ICA1: variants seen among roughly 807,000 people sequenced by gnomAD.
ICA1 encodes the protein 69 kDa islet cell autoantigen.
Under a neutral mutation model 71.0 loss-of-function variants are expected in ICA1, and 40 were observed. That is an observed-to-expected ratio of 0.56 (90% CI 0.44 to 0.73). The LOEUF is 0.73. Among genes scored for constraint, ICA1 ranks in the 30% least tolerant of loss-of-function variants. The probability of loss-of-function intolerance (pLI) is 0.00; values close to 1 mark genes in which losing one functional copy is unlikely to be tolerated. For missense variants in ICA1, 578 were observed against 576.5 expected, an observed-to-expected ratio of 1.00 and a Z score of -0.03; for synonymous variants, 207 against 209.5, an observed-to-expected ratio of 0.99 and a Z score of 0.10.
intron 6 of ICA1, among the ~76,000 whole-genome samples, chr7:8,194,279 A>C (rs886121704): frequency 6.6e-6 from 1 of 152,168 alleles, no homozygotes; most frequent in African/African-American, 2.4e-5. Flanking sequence ...GTGGGGTTGG[A>C]GAGACCAAAT....
At chr7:8,152,796 T>TCCACCACCATCACCA (rs1799782874) in intron 8 of ICA1, among the ~76,000 whole-genome samples, 2 of 49,596 alleles carry the variant, frequency 4.0e-5, no homozygotes, top group Non-Finnish European at 8.3e-5. Context: ...CACCATCACC[T>TCCACCACCATCACCA]CCACCACCAC....
At chr7:8,155,962 G>A (rs1350516729) in intron 8 of ICA1, among the ~76,000 whole-genome samples, 1 of 152,222 alleles carries the variant, frequency 6.6e-6, no homozygotes, top group Non-Finnish European at 1.5e-5. Flanking sequence ...AGTGCTTATA[G>A]TTGACAGAGC....
At chr7:8,216,113 C>A (rs1441874744) in intron 6 of ICA1, among the ~76,000 whole-genome samples, 1 of 152,208 alleles carries the variant, frequency 6.6e-6, no homozygotes, top group Admixed American at 6.5e-5. Context: ...TCCAAAACAT[C>A]ATGAGGTCAG....
chr7:8,256,845 T>C (rs1295676045), intron 1 of ICA1, among the ~76,000 whole-genome samples: 1 of 152,242 alleles, frequency 6.6e-6, no homozygotes, highest in African/African-American at 2.4e-5. Context: ...GCAATAATTA[T>C]GTTCTACCAC....
intron 3 of ICA1, among the ~76,000 whole-genome samples, chr7:8,230,973 T>C (rs1800096284): frequency 6.6e-6 from 1 of 152,090 alleles, no homozygotes. Flanking sequence ...TTTGATCTCA[T>C]AGTGGAGGGA....
intron 6 of ICA1, among the ~76,000 whole-genome samples, chr7:8,184,857 T>C (rs1307578115): frequency 6.6e-6 from 1 of 152,112 alleles, no homozygotes; most frequent in South Asian, 2.1e-4. Context: ...GGCAGATCAC[T>C]TGAGGTCAGG....
At chr7:8,210,017 G>A (rs764758648) in intron 6 of ICA1, among the ~76,000 whole-genome samples, 5 of 152,186 alleles carry the variant, frequency 3.3e-5, no homozygotes, top group Admixed American at 6.5e-5. Context: ...GGCCTAGAAG[G>A]CCACACTAAC....
At chr7:8,230,461 A>G (rs1269262234) in intron 3 of ICA1, among the ~76,000 whole-genome samples, 2 of 152,218 alleles carry the variant, frequency 1.3e-5, no homozygotes, top group African/African-American at 4.8e-5. Context: ...CTCTATAAAC[A>G]TCAACATCAG....
At chr7:8,210,456 A>C (rs1793270948) in intron 6 of ICA1, among the ~76,000 whole-genome samples, 1 of 152,254 alleles carries the variant, frequency 6.6e-6, no homozygotes, top group African/African-American at 2.4e-5. Context: ...TTAAACTTAA[A>C]TATTTCTCAC....
At chr7:8,213,750 C>T in intron 6 of ICA1, among the ~76,000 whole-genome samples, 1 of 152,322 alleles carries the variant, frequency 6.6e-6, no homozygotes, top group Middle Eastern at 3.4e-3. Context: ...TAGACCCAAA[C>T]CTTCACAATC....
At chr7:8,127,086 G>A (rs1263649618) in intron 13 of ICA1, among the ~76,000 whole-genome samples, 1 of 151,498 alleles carries the variant, frequency 6.6e-6, no homozygotes, top group African/African-American at 2.4e-5. Flanking sequence ...CGATTCTCCT[G>A]CCTCAGCCTC....
chr7:8,216,683 G>A (rs7778940), intron 6 of ICA1, among the ~76,000 whole-genome samples: 4,518 of 151,720 alleles, frequency 0.03, 212 homozygotes, highest in African/African-American at 0.099. Context: ...AATATTAATT[G>A]AGTGAATAAA....
At chr7:8,246,355 G>A (rs1280908513) in intron 1 of ICA1, among the ~76,000 whole-genome samples, 2 of 152,192 alleles carry the variant, frequency 1.3e-5, no homozygotes, top group Non-Finnish European at 2.9e-5. Context: ...TCAATGGAAA[G>A]CAAGTTTCTA....
At chr7:8,116,918 A>G (rs1173597439) in intron 13 of ICA1, among the ~76,000 whole-genome samples, 1 of 152,190 alleles carries the variant, frequency 6.6e-6, no homozygotes, top group Non-Finnish European at 1.5e-5. Context: ...GGCTTGTGAT[A>G]TGGTTAGGCT....
intron 6 of ICA1, among the ~76,000 whole-genome samples, chr7:8,199,941 G>A (rs1227735035): frequency 6.6e-6 from 1 of 152,152 alleles, no homozygotes; most frequent in Non-Finnish European, 1.5e-5. Context: ...GGGAAGTCGG[G>A]ATGGCTAATG....
Position 8,232,650 on chromosome 7 carries a change from T to C in ICA1, c.123A>G (p.Thr41=). 2 of 1,613,658 alleles carry C rather than the reference T, an allele frequency of 1.2e-6. No homozygotes were observed. The highest frequency in any genetic ancestry group is 1.7e-6 in the Non-Finnish European group (2 of 1,179,754). The change falls in exon 3 of 14, where the codon ACA becomes ACG. Residue 41 remains threonine, a synonymous_variant. Transcript: ENST00000402384. Reference sequence around the variant, plus strand: ...CAACATGTTCATCTTCCTTCTTCCCTGTGGCTTTAATAAAGGCCTGCTTCG... The same window carrying C: ...CAACATGTTCATCTTCCTTCTTCCCCGTGGCTTTAATAAAGGCCTGCTTCG... ...WETKQAFIKA[T]GKKEDEHVVA... is the part of the protein sequence containing the mutation.
chr7:8,121,725 C>T (rs6978733), intron 13 of ICA1, among the ~76,000 whole-genome samples: 17,086 of 152,114 alleles, frequency 0.11, 1,066 homozygotes, highest in Non-Finnish European at 0.13. Flanking sequence ...CAATAATTTA[C>T]AGTACATTTA....
chr7:8,171,995 T>G (rs891712684), intron 6 of ICA1, among the ~76,000 whole-genome samples: 3 of 152,012 alleles, frequency 2.0e-5, no homozygotes, highest in Admixed American at 6.5e-5. Context: ...TTTTAAAAAT[T>G]TATTCAGACC....
intron 12 of ICA1, among the ~76,000 whole-genome samples, chr7:8,133,131 T>C (rs1343069179): frequency 6.6e-6 from 1 of 152,088 alleles, no homozygotes; most frequent in Non-Finnish European, 1.5e-5. Context: ...GTAGCTTCTA[T>C]AAGAAGAGGA....
Sources: gnomAD v4.1 joint callset for allele counts (sites outside exome capture counted in the v4.1 genomes callset) on GRCh38, gnomAD v4.1.1 for gene constraint, MANE v1.5 for transcripts, NCBI Gene and HGNC (gene_info 2026-07-23, HGNC 2026-07-21) for gene names.